The following B4GALT1 variants were observed in gnomAD, a reference collection of about 807,000 sequenced individuals.
B4GALT1 encodes the protein beta-1,4-galactosyltransferase 1.
In B4GALT1, 16 loss-of-function variants were observed where a neutral mutation model predicts 34.9. The ratio of observed to expected loss-of-function variants is 0.46; its 90% CI spans 0.31 to 0.70. The LOEUF is 0.70. Among genes scored for constraint, B4GALT1 ranks in the 30% least tolerant of loss-of-function variants. B4GALT1 has a pLI of 0.05. For synonymous variants in B4GALT1, 221 were observed against 218.1 expected (o/e 1.01, Z -0.12); for missense variants, 445 against 530.5 (o/e 0.84, Z 1.58).
At chr9:33,125,105 A>G (rs1355437098) in intron 2 of B4GALT1, among the ~76,000 whole-genome samples, 1 of 152,244 alleles carries the variant, frequency 6.6e-6, no homozygotes, top group Non-Finnish European at 1.5e-5. Context: ...AAGAAAGGCC[A>G]GAAAACATAT....
In B4GALT1 at chr9:33,153,582, A is replaced by G. The variant is rs143496256; in HGVS notation, c.412+13176T>C. Among the ~76,000 whole-genome samples, 8 of 152,344 alleles carry G rather than the reference A, an allele frequency of 5.3e-5. No homozygotes were observed. In the East Asian group the frequency reaches 1.5e-3, roughly 29 times the overall value. ...ATAAAAAGGATCATAAGGAATCACTATGAAATGTATGCCAACAAATTAGAT... is the reference window on the plus strand; with the variant it reads ...ATAAAAAGGATCATAAGGAATCACTGTGAAATGTATGCCAACAAATTAGAT... On this transcript the variant is annotated intron_variant, in intron 1 of 5. Transcript: ENST00000379731.
At chr9:33,137,382 C>T (rs972245268) in intron 1 of B4GALT1, among the ~76,000 whole-genome samples, 2 of 152,214 alleles carry the variant, frequency 1.3e-5, no homozygotes, top group Non-Finnish European at 1.5e-5. Context: ...AGCAGACCCT[C>T]TGGGGCAGGG....
intron 3 of B4GALT1, among the ~76,000 whole-genome samples, chr9:33,117,968 C>T (rs1432458677): frequency 6.6e-6 from 1 of 152,214 alleles, no homozygotes; most frequent in Non-Finnish European, 1.5e-5. Flanking sequence ...GCTTTCTCTC[C>T]CCTATCTGCC....
Position 33,121,526 on chromosome 9 carries a change from CTT to C in B4GALT1, c.649-922_649-921del, listed in dbSNP as rs35406954. Among the ~76,000 whole-genome samples the C allele has an allele frequency of 3.4e-3, 447 of 130,708 alleles. 5 individuals carry two copies. Among genetic ancestry groups the C allele is most frequent in the African/African-American group, 0.011 (381 of 34,954 alleles). 85.7% of individuals were successfully genotyped at this position (130,708 alleles called of 152,430 possible). A position where few individuals can be genotyped will look rare whatever the true frequency, so the allele number is the denominator to read the frequency against. On this transcript the variant is annotated intron_variant, in intron 2 of 5. Coordinates refer to ENST00000379731, the MANE Select transcript of B4GALT1 (RefSeq NM_001497.4). Reference sequence around the variant, plus strand: ...TACAGGCATGTGCCACCATGCCCGGCTTTTTTTTTTTTTTTTTTTTAATTTTC... The same window carrying C: ...TACAGGCATGTGCCACCATGCCCGGCTTTTTTTTTTTTTTTTTTAATTTTC...
chr9:33,115,962 G>C, intron 4 of B4GALT1, 29 bp downstream of exon 4: 1 of 1,603,774 alleles, frequency 6.2e-7, no homozygotes, highest in South Asian at 1.1e-5. Context: ...GTTGACAGAG[G>C]AGAAAGATAT....
chr9:33,122,214 C>A (rs34402268), intron 2 of B4GALT1, among the ~76,000 whole-genome samples: 17,603 of 152,146 alleles, frequency 0.12, 1,182 homozygotes, highest in African/African-American at 0.17. Flanking sequence ...AGTCTTCTCT[C>A]CATGCCCTCA....
At chr9:33,109,481 C>G (rs1323470873), downstream of B4GALT1, among the ~76,000 whole-genome samples, 2 of 152,174 alleles carry the variant, frequency 1.3e-5, no homozygotes, top group Non-Finnish European at 2.9e-5. Flanking sequence ...TCATAGAAAC[C>G]CCAATTTATA....
At chr9:33,129,734 A>C (rs1840165660) in intron 2 of B4GALT1, among the ~76,000 whole-genome samples, 1 of 152,216 alleles carries the variant, frequency 6.6e-6, no homozygotes, top group Non-Finnish European at 1.5e-5. Context: ...AGGAGAAGTC[A>C]GCTCTATTCC....
At chr9:33,147,245 CT>C (rs59219360) in intron 1 of B4GALT1, among the ~76,000 whole-genome samples, 10,591 of 136,452 alleles carry the variant, frequency 0.078, 403 homozygotes, top group African/African-American at 0.11. Flanking sequence ...ACAAGTCATT[CT>C]TTTTTTTTTT....
intron 4 of B4GALT1, among the ~76,000 whole-genome samples, chr9:33,114,233 G>C (rs1839908011): frequency 6.6e-6 from 1 of 152,252 alleles, no homozygotes; most frequent in Non-Finnish European, 1.5e-5. Flanking sequence ...AAGAAGCATA[G>C]AGTTTGTAAC....
chr9:33,157,443 G>A (rs1317971631), intron 1 of B4GALT1, among the ~76,000 whole-genome samples: 2 of 152,138 alleles, frequency 1.3e-5, no homozygotes, highest in Non-Finnish European at 2.9e-5. Flanking sequence ...ACCTGGAATA[G>A]TGTATGCTAA....
chr9:33,168,042 G>A (rs1840798490), upstream of B4GALT1, among the ~76,000 whole-genome samples: 1 of 152,214 alleles, frequency 6.6e-6, no homozygotes, highest in Non-Finnish European at 1.5e-5. Context: ...ATACTTTGAA[G>A]AGGAGAGCAG....
In B4GALT1 at chr9:33,167,018, G is replaced by T; in HGVS notation, c.152C>A (p.Pro51His). 6.3e-7 allele frequency: 1 copy of T among 1,598,146 alleles called. No homozygotes were observed. ...CGGTGTGGAGACTCCGACCAGTTGG[G>T]GCAGGCGGCTCAGGTCGCGGCCAGC... ...YLAGRDLSRL[P>H]QLVGVSTPLQ... Residue 51 changes from proline (P) to histidine (H), a missense_variant, in exon 1 of 6, where the codon CCC (proline) becomes CAC (histidine). Physicochemically the swap from Pro to His is moderately conservative, Grantham distance 77 (BLOSUM62 -2). Transcript: ENST00000379731.
chr9:33,104,781 A>T (rs1357080562), exon 3 of B4GALT1: 1 of 454,606 alleles, frequency 2.2e-6, no homozygotes, highest in African/African-American at 2.0e-5. Flanking sequence ...ATTTTTTCAT[A>T]CTGTGGTAAA....
At chr9:33,130,915 A>T (rs563834805) in intron 2 of B4GALT1, among the ~76,000 whole-genome samples, 1 of 152,262 alleles carries the variant, frequency 6.6e-6, no homozygotes, top group East Asian at 1.9e-4. Context: ...GGAAACAGGC[A>T]GGATGAATGG....
In B4GALT1 at chr9:33,113,422, A is replaced by G. The variant is rs1225115638; in HGVS notation, c.*32T>C. 4.3e-6 allele frequency: 7 copies of G among 1,613,940 alleles called. No individual in the cohort carries two copies. The highest frequency in any genetic ancestry group is 3.3e-5 in the South Asian group (3 of 91,070). ...AGACACACAGCAGAGGTCCCTGGCT[A>G]ATTTCAGGTCTCTTATCCGTGTACC... On this transcript the variant is annotated 3_prime_UTR_variant, in exon 6 of 6. Coordinates refer to ENST00000379731, the MANE Select transcript of B4GALT1 (RefSeq NM_001497.4).
At chr9:33,177,652 AAAAC>A in the B4GALT1 span, among the ~76,000 whole-genome samples, 12 of 152,238 alleles carry the variant, frequency 7.9e-5, no homozygotes, top group South Asian at 2.1e-4. Context: ...ATTGCTATGC[AAAAC>A]AAACAAACAA....
chr9:33,123,137 G>T (rs548220687), intron 2 of B4GALT1, among the ~76,000 whole-genome samples: 1 of 152,218 alleles, frequency 6.6e-6, no homozygotes, highest in Admixed American at 6.5e-5. Flanking sequence ...AATTAGCTGG[G>T]TGTGGTGGCG....
At chr9:33,130,341 G>T (rs1840175840) in intron 2 of B4GALT1, among the ~76,000 whole-genome samples, 1 of 152,026 alleles carries the variant, frequency 6.6e-6, no homozygotes, top group Admixed American at 6.5e-5. Context: ...TGTTTGCTAT[G>T]ATGTCTTCTC....
Sources: gnomAD v4.1 joint callset for allele counts (sites outside exome capture counted in the v4.1 genomes callset) on GRCh38, gnomAD v4.1.1 for gene constraint, MANE v1.5 for transcripts, NCBI Gene and HGNC (gene_info 2026-07-23, HGNC 2026-07-21) for gene names.